The following ANKLE1 variants were observed in gnomAD, a reference collection of about 807,000 sequenced individuals.
ANKLE1 encodes the protein ankyrin repeat and LEM domain containing 1.
ANKLE1 carries 59 observed loss-of-function variants against 56.2 expected under a neutral mutation model. The observed-to-expected ratio is 1.05, with a 90% confidence interval of 0.85 to 1.30. The LOEUF is 1.30. ANKLE1 is among the 50% of genes most tolerant of loss of function. The probability of loss-of-function intolerance (pLI) is 0.00; values close to 1 mark genes in which losing one functional copy is unlikely to be tolerated. For missense variants in ANKLE1, 771 were observed against 816.1 expected, an observed-to-expected ratio of 0.94 and a Z score of 0.67; for synonymous variants, 341 against 352.9, an observed-to-expected ratio of 0.97 and a Z score of 0.38.
rs763593345 is a variant in ANKLE1, at chr19:17,282,854, G to A, written c.322-10G>A. ...GCCTCGGGCGCCCCCTGCTGACCGC[G>A]CCCCTGTAGGACGGACTCCGGCCGC... On this transcript the variant is annotated splice_polypyrimidine_tract_variant and intron_variant, in intron 3 of 8. Coordinates refer to ENST00000404085, the MANE Select transcript of ANKLE1 (RefSeq NM_152363.6). 6.6e-5 allele frequency: 104 copies of A among 1,586,574 alleles called. No individual in the cohort carries two copies. The Admixed American group carries it at 1.7e-3, about 26-fold the overall frequency.
rs1480982906 is a variant in ANKLE1 at position 17,286,628 on chromosome 19, C to T, written c.*76C>T. 6 of 1,544,708 alleles carry T rather than the reference C, an allele frequency of 3.9e-6. No homozygotes were observed. The highest frequency in any genetic ancestry group is 1.4e-5 in the African/African-American group (1 of 72,728). On this transcript the variant is annotated 3_prime_UTR_variant, in exon 9 of 9. Transcript: ENST00000404085. Reference sequence around the variant, plus strand: ...GCTGCCCCATGCTGACAGCAGCCCCCATCTCTGGTTTCAGAAGGGGTGTGT... The same window carrying T: ...GCTGCCCCATGCTGACAGCAGCCCCTATCTCTGGTTTCAGAAGGGGTGTGT...
chr19:17,284,001 C>T, intron 5 of ANKLE1, 39 bp downstream of exon 5: 1 of 1,592,740 alleles, frequency 6.3e-7, no homozygotes. Context: ...AGGGAGCCTC[C>T]AGGAATCTCC....
In ANKLE1 at chr19:17,283,490, G is replaced by A. The variant is rs143277936; in HGVS notation, c.726G>A (p.Gly242=). The A allele has an allele frequency of 6.2e-7, 1 of 1,613,138 alleles. No individual in the cohort carries two copies. Among genetic ancestry groups the A allele is most frequent in the South Asian group, 1.1e-5 (1 of 91,080 alleles). ...DPASDTPPWA[G]SLPPTRQGLL... Reference sequence around the variant, plus strand: ...CCTCGGACACTCCCCCCTGGGCTGGGTCATTGCCACCGACCAGGCAGGGAC... The same window carrying A: ...CCTCGGACACTCCCCCCTGGGCTGGATCATTGCCACCGACCAGGCAGGGAC... The change falls in exon 5 of 9, where the codon GGG becomes GGA. Residue 242 remains glycine (G), a synonymous_variant. Coordinates refer to ENST00000404085, the MANE Select transcript of ANKLE1 (RefSeq NM_152363.6).
chr19:17,284,222 G>A lies in ANKLE1; in HGVS notation c.1332G>A (p.Glu444=). Residue 444 remains glutamate (E), a synonymous_variant, in exon 6 of 9, where the codon GAG becomes GAA. Transcript: ENST00000404085. The stretch of plus-strand genomic sequence containing the variant: ...CAGATCCTGCCAGGAGGTGGCGGGA[G>A]GGGGTCGTGAAGTCTAGCTTCACCT... The part of the protein sequence containing the change: ...EQPDPARRWR[E]GVVKSSFTYL... 6.2e-7 allele frequency: 1 copy of A among 1,613,448 alleles called. No homozygotes were observed. Among genetic ancestry groups the A allele is most frequent in the Admixed American group, 1.7e-5 (1 of 59,996 alleles).
chr19:17,286,973 A>T lies in ANKLE1; in HGVS notation c.*421A>T, dbSNP rs1018112785. On this transcript the variant is annotated 3_prime_UTR_variant, in exon 9 of 9. Coordinates refer to ENST00000404085, the MANE Select transcript of ANKLE1 (RefSeq NM_152363.6). ...TGGTTAAAGCATTCTAAGTCACGGG[A>T]TCAGGTAGGAGGTCAGCACAAGATA... 1 of 255,418 alleles carries T rather than the reference A, an allele frequency of 3.9e-6. No individual in the cohort carries two copies. The highest frequency in any genetic ancestry group is 2.3e-5 in the African/African-American group (1 of 43,580). 15.8% of individuals were successfully genotyped at this position (255,418 alleles called of 1,614,324 possible). A position where few individuals can be genotyped will look rare whatever the true frequency, so the allele number is the denominator to read the frequency against.
intron 6 of ANKLE1, among the ~76,000 whole-genome samples, chr19:17,285,228 C>T (rs1013342704): frequency 2.7e-5 from 4 of 150,460 alleles, no homozygotes; most frequent in African/African-American, 9.8e-5. Context: ...CATTGCACTC[C>T]AGCCTGGGGA....
intron 5 of ANKLE1, 46 bp downstream of exon 5, chr19:17,284,008 C>T (rs1391981955): frequency 6.3e-7 from 1 of 1,593,606 alleles, no homozygotes; most frequent in East Asian, 2.2e-5. Context: ...CTCCAGGAAT[C>T]TCCCGGAGAA....
Position 17,282,742 on chromosome 19 carries a change from A to G in ANKLE1, c.302A>G (p.Asp101Gly). Reference sequence around the variant, plus strand: ...GAGCTGCTGCTGAGCCAAGGAGCGGACCCGGCGCTGCGCGACCAGGTTGGG... The same window carrying G: ...GAGCTGCTGCTGAGCCAAGGAGCGGGCCCGGCGCTGCGCGACCAGGTTGGG... ...GLELLLSQGADPALRDQDGLR... is the reference protein window; with the variant it reads ...GLELLLSQGAGPALRDQDGLR... Residue 101 changes from aspartate to glycine, a missense_variant, in exon 3 of 9, where the codon GAC (aspartate) becomes GGC (glycine). By Grantham distance (94) the Asp-to-Gly change is moderately conservative. Transcript: ENST00000404085. The G allele has an allele frequency of 6.5e-7, 1 of 1,543,200 alleles. No homozygotes were observed. Among genetic ancestry groups the G allele is most frequent in the Non-Finnish European group, 8.7e-7 (1 of 1,151,016 alleles).
At chr19:17,282,599 C>T (rs1034497932) in intron 2 of ANKLE1, 57 bp from the exon 3 acceptor site, 41 of 1,475,154 alleles carry the variant, frequency 2.8e-5, no homozygotes, top group Admixed American at 9.8e-5. Flanking sequence ...GAGCGGAGAT[C>T]GGGGTTCCTG....
intron 6 of ANKLE1, 121 bp from the exon 7 acceptor site, chr19:17,285,310 C>G (rs2074018955): frequency 8.3e-7 from 1 of 1,205,796 alleles, no homozygotes; most frequent in Non-Finnish European, 1.2e-6. Context: ...GCCGCTGACT[C>G]TCTCTGATCC....
In ANKLE1 at chr19:17,287,442, C is replaced by G. The variant is rs1187576823; in HGVS notation, c.*890C>G. Reference sequence around the variant, plus strand: ...CGAGAGTCTGTCTCAAACAAACAAACAAAAAAACAAATGCCACATCAACAT... The same window carrying G: ...CGAGAGTCTGTCTCAAACAAACAAAGAAAAAAACAAATGCCACATCAACAT... On this transcript the variant is annotated 3_prime_UTR_variant, in exon 9 of 9. Transcript: ENST00000404085. 6.6e-6 allele frequency: 1 copy of G among 150,720 alleles called. No individual in the cohort carries two copies. Among genetic ancestry groups the G allele is most frequent in the Non-Finnish European group, 1.5e-5 (1 of 67,866 alleles). The allele number at this position is 150,720 out of a possible 1,614,324, so 9.3% of individuals were successfully genotyped here.
intron 3 of ANKLE1, 43 bp downstream of exon 3, chr19:17,282,804 A>T (rs1056092747): frequency 6.3e-7 from 1 of 1,576,624 alleles, no homozygotes; most frequent in East Asian, 2.3e-5. Flanking sequence ...GGGTGAGCCC[A>T]GAGGGAGGGA....
intron 8 of ANKLE1, 73 bp from the exon 9 acceptor site, chr19:17,286,307 C>T: frequency 6.7e-7 from 1 of 1,500,648 alleles, no homozygotes. Context: ...CAGCCGCCTG[C>T]TGTCACACAC....
chr19:17,286,898 A>G lies in ANKLE1; in HGVS notation c.*346A>G. 1 of 857,036 alleles carries G rather than the reference A, an allele frequency of 1.2e-6. No individual in the cohort carries two copies. The highest frequency in any genetic ancestry group is 8.5e-5 in the East Asian group (1 of 11,828). The allele number at this position is 857,036 out of a possible 1,614,324, so 53.1% of individuals were successfully genotyped here. A position where few individuals can be genotyped will look rare whatever the true frequency, so the allele number is the denominator to read the frequency against. ...TTGAACCTGGGCAACTCCACCTGGA[A>G]TAGGAGCTGGGTAAAATGAGGCTGA... On this transcript the variant is annotated 3_prime_UTR_variant, in exon 9 of 9. Coordinates refer to ENST00000404085, the MANE Select transcript of ANKLE1 (RefSeq NM_152363.6).
Position 17,282,923 on chromosome 19 carries a change from C to T in ANKLE1, c.381C>T (p.Val127=), listed in dbSNP as rs752604709. Residue 127 remains valine, a synonymous_variant, in exon 4 of 9, where the codon GTC becomes GTT. Coordinates refer to ENST00000404085, the MANE Select transcript of ANKLE1 (RefSeq NM_152363.6). ...LQQGHLECAR[V]LQDLDTRTRT... ...AGGGACACCTGGAGTGCGCGCGAGT[C>T]CTGCAGGATCTCGACACGCGGACCA... 1.3e-6 allele frequency: 2 copies of T among 1,572,572 alleles called. No homozygotes were observed. The highest frequency in any genetic ancestry group is 2.3e-5 in the South Asian group (2 of 86,770).
At chr19:17,285,389 C>G (rs1442657706) in intron 6 of ANKLE1, 42 bp from the exon 7 acceptor site, 2 of 1,610,686 alleles carry the variant, frequency 1.2e-6, no homozygotes, top group Non-Finnish European at 8.5e-7. Context: ...CTGGGGACCA[C>G]TGTATCCACT....
chr19:17,282,722 G>A lies in ANKLE1; in HGVS notation c.282G>A (p.Leu94=), dbSNP rs775667640. 1.9e-6 allele frequency: 3 copies of A among 1,540,190 alleles called. No homozygotes were observed. Among genetic ancestry groups the A allele is most frequent in the South Asian group, 1.2e-5 (1 of 84,286 alleles). Residue 94 remains leucine, a synonymous_variant, in exon 3 of 9, where the codon CTG becomes CTA. Transcript: ENST00000404085. ...AAWGCRRGLE[L]LLSQGADPAL... ...GGGGCTGCCGCCGCGGCCTGGAGCT[G>A]CTGCTGAGCCAAGGAGCGGACCCGG... is the stretch of plus-strand genomic sequence containing the variant.
chr19:17,284,395 T>C, intron 6 of ANKLE1, 129 bp downstream of exon 6: 2 of 1,024,384 alleles, frequency 2.0e-6, no homozygotes, highest in Non-Finnish European at 2.8e-6. Flanking sequence ...TTTTTTTTAT[T>C]TTTTTAAGAC....
In ANKLE1 at chr19:17,286,425, T is replaced by C; in HGVS notation, c.1721T>C (p.Val574Ala). The C allele has an allele frequency of 6.2e-7, 1 of 1,608,454 alleles. No individual in the cohort carries two copies. The highest frequency in any genetic ancestry group is 8.5e-7 in the Non-Finnish European group (1 of 1,177,368). ...TNQKQGHCYGVVAGWPPARRR... is the reference protein window; with the variant it reads ...TNQKQGHCYGAVAGWPPARRR... ...CAGAAGCAAGGGCACTGCTATGGAG[T>C]GGTGGCAGGCTGGCCACCTGCTCGT... Residue 574 changes from valine (V) to alanine (A), a missense_variant, in exon 9 of 9, where the codon GTG (valine) becomes GCG (alanine). Coordinates refer to ENST00000404085, the MANE Select transcript of ANKLE1 (RefSeq NM_152363.6).
Sources: gnomAD v4.1 joint callset for allele counts (sites outside exome capture counted in the v4.1 genomes callset) on GRCh38, gnomAD v4.1.1 for gene constraint, MANE v1.5 for transcripts, NCBI Gene and HGNC (gene_info 2026-07-23, HGNC 2026-07-21) for gene names.